The following ENOX2 variants were observed in gnomAD, a reference collection of about 807,000 sequenced individuals.
ENOX2 encodes the protein APK1 antigen.
Under a neutral mutation model 45.0 loss-of-function variants are expected in ENOX2, and 36 were observed. That is an observed-to-expected ratio of 0.80 (90% CI 0.61 to 1.06). The LOEUF is 1.06. Ranked by LOEUF, ENOX2 falls within the 50% of genes least tolerant of loss-of-function variation. The probability of loss-of-function intolerance (pLI) is 0.00; values close to 1 mark genes in which losing one functional copy is unlikely to be tolerated. For missense variants in ENOX2, 423 were observed against 462.5 expected, an observed-to-expected ratio of 0.91 and a Z score of 0.78; for synonymous variants, 174 against 152.3, an observed-to-expected ratio of 1.14 and a Z score of -1.05.
chrX:130,667,124 G>C (rs1411850418), intron 8 of ENOX2, among the ~76,000 whole-genome samples: 1 of 111,950 alleles, frequency 8.9e-6, no homozygotes, highest in African/African-American at 3.2e-5. Flanking sequence ...TAATTACATT[G>C]ATCATTGAAA....
intron 2 of ENOX2, among the ~76,000 whole-genome samples, chrX:130,860,744 C>T (rs778595426): frequency 1.8e-5 from 2 of 111,722 alleles, no homozygotes; most frequent in South Asian, 7.5e-4. Context: ...AAGCAACTTC[C>T]TATCTGGTCT....
In ENOX2 at chrX:130,631,535, G is replaced by A. The variant is rs375509185; in HGVS notation, c.1461C>T (p.Ser487=). ...ASRLCASNQD[S]EYPLEKTMNS... is the part of the protein sequence containing the mutation. ...TCATGGTCTTCTCAAGAGGGTATTC[G>A]CTATCCTGGTTTGAGGCACACAGCC... Residue 487 remains serine (S), a synonymous_variant, in exon 13 of 15, where the codon AGC becomes AGT. Transcript: ENST00000394363. 8.0e-5 allele frequency: 96 copies of A among 1,202,727 alleles called. No homozygotes were observed. Among genetic ancestry groups the A allele is most frequent in the Non-Finnish European group, 9.3e-5 (83 of 888,946 alleles).
Position 130,887,620 on chromosome X carries a change from G to A in ENOX2, c.-183+14064C>T, listed in dbSNP as rs1221393972. On this transcript the variant is annotated intron_variant, in intron 2 of 14. Coordinates refer to ENST00000394363, the MANE Select transcript of ENOX2 (RefSeq NM_006375.4). ...TGTGTCACCATCCATCTCCAATGAC[G>A]GACACTTATAGGCTGAATTGGGAGT... is the stretch of plus-strand genomic sequence containing the variant. Among the ~76,000 whole-genome samples, 6 of 111,457 alleles carry A rather than the reference G, an allele frequency of 5.4e-5. No homozygotes were observed. The Admixed American group carries it at 5.7e-4, about 11-fold the overall frequency.
intron 3 of ENOX2, among the ~76,000 whole-genome samples, chrX:130,776,410 C>T (rs757823185): frequency 3.6e-5 from 4 of 111,019 alleles, no homozygotes; most frequent in Non-Finnish European, 7.5e-5. Context: ...GAAGATCCCT[C>T]ATGGCTTGAT....
chrX:130,861,092 T>C (rs960850580), intron 2 of ENOX2, among the ~76,000 whole-genome samples: 1 of 111,218 alleles, frequency 9.0e-6, no homozygotes, highest in Non-Finnish European at 1.9e-5. Flanking sequence ...TGACCATTTA[T>C]CAAAACAACA....
At chrX:130,632,783 G>T (rs1439458809) in intron 12 of ENOX2, among the ~76,000 whole-genome samples, 1 of 112,204 alleles carries the variant, frequency 8.9e-6, no homozygotes, top group South Asian at 3.8e-4. Context: ...GCTGTAGTCA[G>T]AGGGGAACCC....
intron 2 of ENOX2, among the ~76,000 whole-genome samples, chrX:130,871,247 T>C (rs2078582454): frequency 9.0e-6 from 1 of 111,506 alleles, no homozygotes; most frequent in Non-Finnish European, 1.9e-5. Context: ...ATTGTAACAG[T>C]AATTAAAGGT....
intron 3 of ENOX2, among the ~76,000 whole-genome samples, chrX:130,766,217 T>G (rs931401584): frequency 5.4e-5 from 6 of 111,744 alleles, no homozygotes; most frequent in Non-Finnish European, 1.1e-4. Context: ...ATGTTTTATC[T>G]CTGAACAAGC....
At position 130,717,265 on chromosome X, in the gene ENOX2, C is replaced by G. The variant is rs143113441; in HGVS notation, c.-38-14011G>C. On this transcript the variant is annotated intron_variant, in intron 3 of 14. Transcript: ENST00000394363. ...CACAACCCCACCAGTTCATTGCATT[C>G]TCTGTCAGTTCCAACACCAAGGAAA... is the stretch of plus-strand genomic sequence containing the variant. Among the ~76,000 whole-genome samples the G allele has an allele frequency of 3.6e-4, 40 of 112,200 alleles. No homozygotes were observed. In the East Asian group the frequency reaches 9.8e-3, roughly 27 times the overall value.
intron 2 of ENOX2, among the ~76,000 whole-genome samples, chrX:130,801,762 G>A (rs914922602): frequency 8.1e-5 from 9 of 111,658 alleles, no homozygotes; most frequent in African/African-American, 9.8e-5. Context: ...TATCACCTCC[G>A]ATTTTCCAAA....
chrX:130,662,197 A>G (rs2036710673), intron 9 of ENOX2, among the ~76,000 whole-genome samples: 2 of 112,126 alleles, frequency 1.8e-5, no homozygotes, highest in South Asian at 7.5e-4. Flanking sequence ...GACCTCACAC[A>G]CATATAAATC....
intron 3 of ENOX2, among the ~76,000 whole-genome samples, chrX:130,706,477 G>A (rs946940208): frequency 2.2e-4 from 24 of 111,179 alleles, no homozygotes; most frequent in Middle Eastern, 4.6e-3. Context: ...GGTAAGAAGA[G>A]CATTCTAAAA....
In ENOX2 at chrX:130,704,313, A is replaced by T. The variant is rs187009574; in HGVS notation, c.-38-1059T>A. 2.2e-4 allele frequency among the ~76,000 whole-genome samples: 25 copies of T among 111,799 alleles called. No homozygotes were observed. The East Asian group carries it at 7.0e-3, about 32-fold the overall frequency. On this transcript the variant is annotated intron_variant, in intron 3 of 14. Transcript: ENST00000394363. Reference sequence around the variant, plus strand: ...AGAATGGACCAGATTTATATAGAGCATGTCATGAGTGATGAGCAGTTATTA... The same window carrying T: ...AGAATGGACCAGATTTATATAGAGCTTGTCATGAGTGATGAGCAGTTATTA...
chrX:130,821,138 G>A (rs1324781776), intron 2 of ENOX2, among the ~76,000 whole-genome samples: 2 of 111,171 alleles, frequency 1.8e-5, no homozygotes, highest in South Asian at 7.6e-4. Context: ...TCTCTGGGGA[G>A]GGGTGACCTC....
chrX:130,765,270 G>A (rs1010852202), intron 3 of ENOX2, among the ~76,000 whole-genome samples: 1 of 110,570 alleles, frequency 9.0e-6, no homozygotes, highest in Non-Finnish European at 1.9e-5. Context: ...CTAAGATCTT[G>A]ATAATAATCT....
At chrX:130,647,375 GGAA>G (rs1055753560) in intron 10 of ENOX2, among the ~76,000 whole-genome samples, 18 of 112,403 alleles carry the variant, frequency 1.6e-4, no homozygotes, top group African/African-American at 5.5e-4. Flanking sequence ...TTATTTGCAA[GGAA>G]GAAGAAGAAA....
rs1569485264 is a variant in ENOX2 at position 130,679,634 on chromosome X, C to G, written c.368G>C (p.Gly123Ala). The G allele has an allele frequency of 8.3e-7, 1 of 1,210,281 alleles. No homozygotes were observed. Among genetic ancestry groups the G allele is most frequent in the Admixed American group, 2.2e-5 (1 of 46,035 alleles). The change falls in exon 6 of 15, where the codon GGA (glycine) becomes GCA (alanine). Residue 123 changes from glycine to alanine, a missense_variant. Coordinates refer to ENST00000394363, the MANE Select transcript of ENOX2 (RefSeq NM_006375.4). ...GCTCTTGCGAATGGCAATGATCTCTCCACACTGCTCGAAAACTTCCACAAT... is the reference window on the plus strand; with the variant it reads ...GCTCTTGCGAATGGCAATGATCTCTGCACACTGCTCGAAAACTTCCACAAT... Reference protein sequence around the residue: ...QIIVEVFEQCGEIIAIRKSKK... With the variant: ...QIIVEVFEQCAEIIAIRKSKK...
intron 3 of ENOX2, among the ~76,000 whole-genome samples, chrX:130,748,055 G>A (rs2039135556): frequency 8.9e-6 from 1 of 111,960 alleles, no homozygotes; most frequent in Non-Finnish European, 1.9e-5. Context: ...AAACAACAAA[G>A]GGCACAGAAG....
At chrX:130,670,649 C>T (rs1279523485) in intron 6 of ENOX2, among the ~76,000 whole-genome samples, 1 of 109,388 alleles carries the variant, frequency 9.1e-6, no homozygotes, top group East Asian at 2.9e-4. Context: ...TTTGGTAAAA[C>T]TTAAATGCAT....
Sources: gnomAD v4.1 joint callset for allele counts (sites outside exome capture counted in the v4.1 genomes callset) on GRCh38, gnomAD v4.1.1 for gene constraint, MANE v1.5 for transcripts, NCBI Gene and HGNC (gene_info 2026-07-23, HGNC 2026-07-21) for gene names.